The following CYBA variants were observed in gnomAD, a reference collection of about 807,000 sequenced individuals.
CYBA encodes the protein cytochrome b-245 light chain.
A neutral mutation model predicts 20.8 loss-of-function variants in CYBA; 21 were observed. The observed-to-expected ratio is 1.01, with a 90% CI of 0.72 to 1.46. The LOEUF is 1.46. Among genes scored for constraint, CYBA ranks in the 40% most tolerant of loss-of-function variants. The probability of loss-of-function intolerance (pLI) is 0.00; values close to 1 mark genes in which losing one functional copy is unlikely to be tolerated. For synonymous variants in CYBA, 164 were observed against 127.5 expected, an observed-to-expected ratio of 1.29 and a Z score of -1.93; for missense variants, 344 against 287.0, an observed-to-expected ratio of 1.20 and a Z score of -1.43.
chr16:88,644,260 C>G (rs1454698927), intron 5 of CYBA, among the ~76,000 whole-genome samples: 1 of 152,158 alleles, frequency 6.6e-6, no homozygotes, highest in Non-Finnish European at 1.5e-5. Context: ...GACTCCAAAA[C>G]GGAAACATTC....
At position 88,650,982 on chromosome 16, in the gene CYBA, TTGGCCCACA is replaced by T; in HGVS notation, c.23_31del (p.Met8_Ala10del). 1 of 1,597,140 alleles carries T rather than the reference TTGGCCCACA, an allele frequency of 6.3e-7. No individual in the cohort carries two copies. Among genetic ancestry groups the T allele is most frequent in the Admixed American group, 1.7e-5 (1 of 58,482 alleles). On this transcript the variant is annotated inframe_deletion, in exon 1 of 6. Transcript: ENST00000261623. ...CAGGCCGGACGCCAGCGCCTGTTCG[TTGGCCCACA>T]TGGCCCACTCGATCTGCCCCATGGC...
intron 1 of CYBA, among the ~76,000 whole-genome samples, chr16:88,649,882 T>C (rs977310357): frequency 1.3e-5 from 2 of 152,102 alleles, no homozygotes; most frequent in Non-Finnish European, 2.9e-5. Flanking sequence ...TCCGTCTACT[T>C]CCTGTAGGGA....
chr16:88,650,985 G>A lies in CYBA; in HGVS notation c.29C>T (p.Ala10Val). Reference protein sequence around the residue: MGQIEWAMWANEQALASGLI... With the variant: MGQIEWAMWVNEQALASGLI... ...GCCGGACGCCAGCGCCTGTTCGTTGGCCCACATGGCCCACTCGATCTGCCC... is the reference window on the plus strand; with the variant it reads ...GCCGGACGCCAGCGCCTGTTCGTTGACCCACATGGCCCACTCGATCTGCCC... The change falls in exon 1 of 6, where the codon GCC becomes GTC. Residue 10 changes from alanine to valine, a missense_variant. Transcript: ENST00000261623. 6.3e-7 allele frequency: 1 copy of A among 1,596,384 alleles called. No homozygotes were observed. Among genetic ancestry groups the A allele is most frequent in the Non-Finnish European group, 8.5e-7 (1 of 1,172,946 alleles).
intron 1 of CYBA, among the ~76,000 whole-genome samples, chr16:88,649,076 T>TAC (rs1907402670): frequency 5.3e-5 from 8 of 151,832 alleles, no homozygotes; most frequent in Admixed American, 3.3e-4. Flanking sequence ...TAGCTGGGAC[T>TAC]ATGCGCGCCT....
In CYBA at chr16:88,646,216, G is replaced by A; in HGVS notation, c.288-19C>T. 2 of 1,350,306 alleles carry A rather than the reference G, an allele frequency of 1.5e-6. No homozygotes were observed. The highest frequency in any genetic ancestry group is 1.9e-6 in the Non-Finnish European group (2 of 1,043,928). 83.6% of individuals were successfully genotyped at this position (1,350,306 alleles called of 1,614,324 possible). A position where few individuals can be genotyped will look rare whatever the true frequency, so the allele number is the denominator to read the frequency against. The stretch of plus-strand genomic sequence containing the variant: ...CGAGAGCCTGGGGGACAGCGGGTGA[G>A]AGGCAGGGACACAGAAGGGCACTCA... On this transcript the variant is annotated intron_variant, in intron 4 of 5. Transcript: ENST00000261623.
rs376315641 is a variant in CYBA, at chr16:88,650,916, C to A, written c.58+40G>T. ...TCCCGGCTGGGGTCTTGGGACACCCCTCCAGGCTGCAGCCTCCACCGTCCC... is the reference window on the plus strand; with the variant it reads ...TCCCGGCTGGGGTCTTGGGACACCCATCCAGGCTGCAGCCTCCACCGTCCC... On this transcript the variant is annotated intron_variant, in intron 1 of 5. Coordinates refer to ENST00000261623, the MANE Select transcript of CYBA (RefSeq NM_000101.4). 22 of 1,564,982 alleles carry A rather than the reference C, an allele frequency of 1.4e-5. No homozygotes were observed. In the African/African-American group the frequency reaches 2.3e-4, roughly 16 times the overall value.
At chr16:88,646,966 G>A (rs1277249304) in intron 3 of CYBA, 128 bp from the exon 4 acceptor site, 12 of 1,181,048 alleles carry the variant, frequency 1.0e-5, no homozygotes, top group East Asian at 4.9e-5. Context: ...GGCAGGCACC[G>A]GCCTTGGTTT....
At position 88,643,396 on chromosome 16, in the gene CYBA, C is replaced by G; in HGVS notation, c.545G>C (p.Gly182Ala). ...AAVAAGGPPG[G>A]PQVNPIPVTD... ...CACCGGGATGGGGTTGACCTGGGGACCTCCCGGGGGTCCCCCCGCCGCCAC... is the reference window on the plus strand; with the variant it reads ...CACCGGGATGGGGTTGACCTGGGGAGCTCCCGGGGGTCCCCCCGCCGCCAC... The change falls in exon 6 of 6, where the codon GGT becomes GCT. Residue 182 changes from glycine to alanine, a missense_variant. Physicochemically the swap from Gly to Ala is moderately conservative, Grantham distance 60 (BLOSUM62 0). Transcript: ENST00000261623. The surrounding 1 kb of genome is among the most constrained non-coding windows in gnomAD (Gnocchi z 4.3). 3 of 1,534,182 alleles carry G rather than the reference C, an allele frequency of 2.0e-6. No homozygotes were observed. The South Asian group carries it at 3.6e-5, about 18-fold the overall frequency.
In CYBA at chr16:88,647,114, TG is replaced by T; in HGVS notation, c.189del (p.Thr64ProfsTer10). The stretch of plus-strand genomic sequence containing the variant: ...GAGGAGACTCACCAGCGCTCCATGG[TG>T]GAGCCCTTCTTCCTCTTCCCCCGGG... ...EYPRGKRKKG[S>X]TMERWGQKYM... On this transcript the variant is annotated frameshift_variant, in exon 3 of 6. Transcript: ENST00000261623. LOFTEE classifies it high-confidence loss of function. 1 of 1,611,196 alleles carries T rather than the reference TG, an allele frequency of 6.2e-7. No individual in the cohort carries two copies. The highest frequency in any genetic ancestry group is 1.1e-5 in the South Asian group (1 of 91,034).
chr16:88,647,747 G>T, intron 2 of CYBA: 1 of 518,878 alleles, frequency 1.9e-6, no homozygotes, highest in Non-Finnish European at 3.5e-6. Context: ...ACAGGAGCGG[G>T]CAGAGGGGAT....
chr16:88,646,899 C>G, intron 3 of CYBA, 61 bp from the exon 4 acceptor site: 1 of 1,432,154 alleles, frequency 7.0e-7, no homozygotes, highest in South Asian at 1.1e-5. Flanking sequence ...GACTCCTTTG[C>G]TGCCCTGCTG....
intron 5 of CYBA, chr16:88,645,682 G>A (rs1003401840): frequency 3.5e-6 from 2 of 568,144 alleles, no homozygotes; most frequent in Non-Finnish European, 6.3e-6. Context: ...GGTGTCGGCA[G>A]TTTAAGAAAA....
chr16:88,649,819 C>T (rs1341087078), intron 1 of CYBA, among the ~76,000 whole-genome samples: 2 of 152,202 alleles, frequency 1.3e-5, no homozygotes, highest in African/African-American at 2.4e-5. Context: ...AGGGTTTCAG[C>T]AGGAGGCCAG....
intron 5 of CYBA, 199 bp downstream of exon 5, chr16:88,645,917 G>A (rs1014274177): frequency 6.5e-5 from 39 of 602,450 alleles, no homozygotes; most frequent in African/African-American, 9.2e-5. Context: ...GAAATGACCC[G>A]ACACACTAGA....
chr16:88,650,315 G>A (rs1254047007), intron 1 of CYBA: 4 of 451,436 alleles, frequency 8.9e-6, no homozygotes, highest in African/African-American at 6.0e-5. Flanking sequence ...AATGGAGTCC[G>A]CTGCCCTCAC....
intron 1 of CYBA, 137 bp from the exon 2 acceptor site, chr16:88,648,251 G>A (rs1049301647): frequency 3.5e-5 from 28 of 793,304 alleles, no homozygotes; most frequent in South Asian, 1.9e-4. Context: ...TGACAGGGTC[G>A]GGGACACCCC....
intron 1 of CYBA, among the ~76,000 whole-genome samples, chr16:88,649,586 G>T (rs1231382611): frequency 6.6e-6 from 1 of 152,258 alleles, no homozygotes; most frequent in Non-Finnish European, 1.5e-5. Context: ...CGGTCTGGAA[G>T]GACCTCCCCA....
At chr16:88,647,269 C>T (rs1055306777) in intron 2 of CYBA, 94 bp from the exon 3 acceptor site, 24 of 1,243,008 alleles carry the variant, frequency 1.9e-5, no homozygotes, top group East Asian at 1.2e-4. Context: ...GGCCCGAGCA[C>T]GGTGGCTCAT....
chr16:88,650,644 G>C (rs1907484323), intron 1 of CYBA: 1 of 566,342 alleles, frequency 1.8e-6, no homozygotes, highest in South Asian at 1.6e-5. Flanking sequence ...AACCACCGGG[G>C]CTGAACCGCC....
Sources: allele counts gnomAD v4.1 joint callset (sites outside exome capture counted in the v4.1 genomes callset), GRCh38; gene constraint gnomAD v4.1.1; non-coding constraint Gnocchi (gnomAD v3.1); transcripts MANE v1.5; gene names NCBI Gene and HGNC (gene_info 2026-07-23, HGNC 2026-07-21).